The following MRPL52 variants were observed in gnomAD, a reference collection of about 807,000 sequenced individuals.
MRPL52 encodes the protein mitochondrial ribosomal protein L52.
In MRPL52, 19 loss-of-function variants were observed where a neutral mutation model predicts 22.1. The ratio of observed to expected loss-of-function variants is 0.86; its 90% CI spans 0.60 to 1.26. The LOEUF is 1.26. Ranked by LOEUF, MRPL52 falls within the 50% of genes most tolerant of loss-of-function variation. The pLI is 0.00. For synonymous variants in MRPL52, 50 were observed against 57.5 expected (o/e 0.87, Z 0.59); for missense variants, 152 against 148.1 (o/e 1.03, Z -0.14).
At chr14:22,832,581 C>T (rs1451871325) in intron 3 of MRPL52, among the ~76,000 whole-genome samples, 4 of 151,924 alleles carry the variant, frequency 2.6e-5, no homozygotes, top group Non-Finnish European at 4.4e-5. Flanking sequence ...ACCTCGTGAT[C>T]CGCCTGCCTC....
chr14:22,834,253 CAAAG>C lies in MRPL52; in HGVS notation c.302_305del (p.Gln101ArgfsTer14), dbSNP rs1566477343. ...CAGGCAGCAGAAGTTGCAGGAAGAA[CAAAG>C]GAAGCAGGAAAATGCTCTTAAACCC... On this transcript the variant is annotated frameshift_variant, in exon 5 of 5. Transcript: ENST00000397496. LOFTEE classifies it high-confidence loss of function. 6.2e-7 allele frequency: 1 copy of C among 1,614,136 alleles called. No individual in the cohort carries two copies.
At chr14:22,830,394 A>G (rs2039580126) in intron 3 of MRPL52, 140 bp downstream of exon 3, 6 of 802,982 alleles carry the variant, frequency 7.5e-6, no homozygotes, top group Non-Finnish European at 1.2e-5. Flanking sequence ...ATTTGGGGAA[A>G]GAAACCCTCT....
chr14:22,833,715 G>A (rs1231863965), intron 4 of MRPL52, among the ~76,000 whole-genome samples: 1 of 152,110 alleles, frequency 6.6e-6, no homozygotes, highest in Non-Finnish European at 1.5e-5. Flanking sequence ...ACCTACTCCC[G>A]GGTTCAAGCG....
chr14:22,831,105 G>GGT, intron 3 of MRPL52: 1 of 101,290 alleles, frequency 9.9e-6, no homozygotes, highest in Non-Finnish European at 1.7e-5. Context: ...ACATATGACT[G>GGT]CTTTTTTTTT....
chr14:22,834,501 C>T lies in MRPL52; in HGVS notation c.*180C>T, dbSNP rs752937875. The T allele has an allele frequency of 1.5e-6, 1 of 671,300 alleles. No individual in the cohort carries two copies. Among genetic ancestry groups the T allele is most frequent in the Non-Finnish European group, 2.4e-6 (1 of 410,076 alleles). 41.6% of individuals were successfully genotyped at this position (671,300 alleles called of 1,614,324 possible). On this transcript the variant is annotated 3_prime_UTR_variant, in exon 5 of 5. Coordinates refer to ENST00000397496, the MANE Select transcript of MRPL52 (RefSeq NM_180982.3). ...GGGAGGCTTGGCTTAGTACTCTCAT[C>T]TCTGGTTCCATTCCAGTTCAGCTAA...
rs758521674 is a variant in MRPL52, at chr14:22,830,085, T to TG, written c.64dup (p.Ala22GlyfsTer47). The TG allele has an allele frequency of 6.2e-7, 1 of 1,614,196 alleles. No individual in the cohort carries two copies. Among genetic ancestry groups the TG allele is most frequent in the Non-Finnish European group, 8.5e-7 (1 of 1,180,006 alleles). On this transcript the variant is annotated frameshift_variant, in exon 2 of 5. Transcript: ENST00000397496. LOFTEE classifies it high-confidence loss of function. ...GAGGCTGCACTGCAGCGTAGCCGCT[T>TG]GGGCGGGCGGCCAGTGGCGACTACA...
At chr14:22,830,799 C>A in intron 3 of MRPL52, 1 of 543,040 alleles carries the variant, frequency 1.8e-6, no homozygotes, top group Non-Finnish European at 3.2e-6. Context: ...ACTCCCCATT[C>A]TCCTTATGAG....
chr14:22,833,037 G>T (rs916663625), intron 3 of MRPL52, among the ~76,000 whole-genome samples: 2 of 151,914 alleles, frequency 1.3e-5, no homozygotes, highest in African/African-American at 2.4e-5. Flanking sequence ...AATTAGCCAG[G>T]GATGGTGGCA....
In MRPL52 at chr14:22,834,196, GA is replaced by G; in HGVS notation, c.247del (p.Met83TrpfsTer33). The G allele has an allele frequency of 6.2e-7, 1 of 1,614,160 alleles. No individual in the cohort carries two copies. Among genetic ancestry groups the G allele is most frequent in the Non-Finnish European group, 8.5e-7 (1 of 1,180,012 alleles). Reference sequence around the variant, plus strand: ...GAGACGAGTTGTACTGCTGTCACAGGAAATGGACGCTGGATTACAAGCATGG... The same window carrying G: ...GAGACGAGTTGTACTGCTGTCACAGGAATGGACGCTGGATTACAAGCATGG... ...FARRVVLLSQ[E>X]MDAGLQAWQL... is the part of the protein sequence containing the mutation. On this transcript the variant is annotated frameshift_variant, in exon 5 of 5. Coordinates refer to ENST00000397496, the MANE Select transcript of MRPL52 (RefSeq NM_180982.3). LOFTEE classifies it high-confidence loss of function.
At chr14:22,833,527 T>G (rs2039670751) in intron 4 of MRPL52, 45 bp downstream of exon 4, 2 of 1,423,600 alleles carry the variant, frequency 1.4e-6, no homozygotes, top group African/African-American at 2.8e-5. Flanking sequence ...AAGGAGAACA[T>G]TTAAATCATA....
At chr14:22,830,020 C>T (rs2039565193) in intron 1 of MRPL52, 33 bp from the exon 2 acceptor site, 2 of 1,613,614 alleles carry the variant, frequency 1.2e-6, no homozygotes, top group South Asian at 1.1e-5. Context: ...GCTGCGCGGC[C>T]TCTCCCCCAA....
chr14:22,834,436 A>T lies in MRPL52; in HGVS notation c.*115A>T. Reference sequence around the variant, plus strand: ...GTTCCCCATCTGTCTTCAGAGAAAAAGAGCTGGGACACCAAGAACAAGCTG... The same window carrying T: ...GTTCCCCATCTGTCTTCAGAGAAAATGAGCTGGGACACCAAGAACAAGCTG... On this transcript the variant is annotated 3_prime_UTR_variant, in exon 5 of 5. Transcript: ENST00000397496. 8.4e-7 allele frequency: 1 copy of T among 1,194,406 alleles called. No individual in the cohort carries two copies. The highest frequency in any genetic ancestry group is 2.6e-5 in the East Asian group (1 of 38,754). The allele number at this position is 1,194,406 out of a possible 1,614,324, so 74.0% of individuals were successfully genotyped here. A position where few individuals can be genotyped will look rare whatever the true frequency, so the allele number is the denominator to read the frequency against.
chr14:22,833,046 C>T (rs1432365042), intron 3 of MRPL52, among the ~76,000 whole-genome samples: 1 of 150,286 alleles, frequency 6.7e-6, no homozygotes, highest in African/African-American at 2.5e-5. Context: ...GGGATGGTGG[C>T]ACGTGTTTGT....
Position 22,833,336 on chromosome 14 carries a change from T to A in MRPL52, c.155-82T>A, listed in dbSNP as rs972112131. The A allele has an allele frequency of 3.4e-6, 3 of 869,638 alleles. No individual in the cohort carries two copies. In the African/African-American group the frequency reaches 5.0e-5, roughly 14 times the overall value. 53.9% of individuals were successfully genotyped at this position (869,638 alleles called of 1,614,324 possible). On this transcript the variant is annotated intron_variant, in intron 3 of 4. Coordinates refer to ENST00000397496, the MANE Select transcript of MRPL52 (RefSeq NM_180982.3). ...AAGAGAGGAGCTAGAGATTGGTTCT[T>A]CCCTTATTCCTATCACAGTATTTGC...
At chr14:22,833,594 T>G in intron 4 of MRPL52, 112 bp downstream of exon 4, 1 of 729,774 alleles carries the variant, frequency 1.4e-6, no homozygotes, top group Middle Eastern at 2.6e-4. Flanking sequence ...ACAGAGGTTT[T>G]ATTAATAACA....
intron 3 of MRPL52, chr14:22,830,916 T>C: frequency 7.4e-7 from 1 of 1,343,154 alleles, no homozygotes; most frequent in Non-Finnish European, 1.0e-6. Context: ...CAGTCCTCCT[T>C]GACAACACAG....
In MRPL52 at chr14:22,834,396, G is replaced by T. The variant is rs2039694184; in HGVS notation, c.*75G>T. The T allele has an allele frequency of 6.8e-7, 1 of 1,476,984 alleles. No homozygotes were observed. The highest frequency in any genetic ancestry group is 1.4e-5 in the African/African-American group (1 of 70,412). The allele number at this position is 1,476,984 out of a possible 1,614,324, so 91.5% of individuals were successfully genotyped here. On this transcript the variant is annotated 3_prime_UTR_variant, in exon 5 of 5. Transcript: ENST00000397496. ...ATCACCTAGATGCTTCATCCAGCCA[G>T]AAGATAGCCTTCACGTTCCCCATCT...
chr14:22,832,755 T>C (rs1179912853), intron 3 of MRPL52, among the ~76,000 whole-genome samples: 2 of 152,132 alleles, frequency 1.3e-5, no homozygotes, highest in African/African-American at 4.8e-5. Flanking sequence ...GGTGCGCACC[T>C]GTAATCCCAG....
At position 22,834,449 on chromosome 14, in the gene MRPL52, C is replaced by A; in HGVS notation, c.*128C>A. On this transcript the variant is annotated 3_prime_UTR_variant, in exon 5 of 5. Coordinates refer to ENST00000397496, the MANE Select transcript of MRPL52 (RefSeq NM_180982.3). ...CTTCAGAGAAAAAGAGCTGGGACAC[C>A]AAGAACAAGCTGTTAGATCACTGCC... 1 of 1,050,192 alleles carries A rather than the reference C, an allele frequency of 9.5e-7. No individual in the cohort carries two copies. The highest frequency in any genetic ancestry group is 1.4e-6 in the Non-Finnish European group (1 of 736,506). The allele number at this position is 1,050,192 out of a possible 1,614,324, so 65.1% of individuals were successfully genotyped here.
Sources: allele counts gnomAD v4.1 joint callset (sites outside exome capture counted in the v4.1 genomes callset), GRCh38; gene constraint gnomAD v4.1.1; transcripts MANE v1.5; gene names NCBI Gene and HGNC (gene_info 2026-07-23, HGNC 2026-07-21).